Variants in NALCN observed in about 807,000 individuals in gnomAD.
NALCN encodes sodium leak channel, non-selective, also known as sodium leak channel NALCN.
NALCN carries 111 observed loss-of-function variants against 225.3 expected under a neutral mutation model. The ratio of observed to expected loss-of-function variants is 0.49; its 90% CI spans 0.42 to 0.58. The LOEUF is 0.58. NALCN is among the 20% of genes least tolerant of loss of function. The pLI, the probability that NALCN is intolerant of heterozygous loss-of-function variation, is 0.00. For missense variants in NALCN, 1,378 were observed against 2,202.4 expected, an observed-to-expected ratio of 0.63 and a Z score of 7.49; for synonymous variants, 764 against 769.0, an observed-to-expected ratio of 0.99 and a Z score of 0.11.
Position 101,188,654 on chromosome 13 carries a change from A to G in NALCN, c.1764+3263T>C, listed in dbSNP as rs924821142. 7.3e-4 allele frequency among the ~76,000 whole-genome samples: 106 copies of G among 145,292 alleles called. 1 individual carries two copies. The highest frequency in any genetic ancestry group is 9.8e-4 in the Non-Finnish European group (65 of 66,168). On this transcript the variant is annotated intron_variant, in intron 14 of 43. Transcript: ENST00000251127. The stretch of plus-strand genomic sequence containing the variant: ...TATATACACATATATACACACACAC[A>G]CGTGTGTGTGTGTGTCTGTGTGTGT...
At chr13:101,284,065 A>C (rs767979092) in intron 9 of NALCN, 46 bp from the exon 10 acceptor site, 1 of 1,501,910 alleles carries the variant, frequency 6.7e-7, no homozygotes, top group Non-Finnish European at 9.2e-7. Flanking sequence ...TTAATATGGA[A>C]CATTGAGAAC....
rs1034238935 is a variant in NALCN at position 101,054,067 on chromosome 13, C to G, written c.*1228G>C. 6.6e-6 allele frequency: 1 copy of G among 152,204 alleles called. No individual in the cohort carries two copies. The highest frequency in any genetic ancestry group is 2.4e-5 in the African/African-American group (1 of 41,450). 9.4% of individuals were successfully genotyped at this position (152,204 alleles called of 1,614,324 possible). ...ATCCCTCTGTTAAAAAACATCTGAACAGCAAATGTCCAATCTGTAATAAAA... is the reference window on the plus strand; with the variant it reads ...ATCCCTCTGTTAAAAAACATCTGAAGAGCAAATGTCCAATCTGTAATAAAA... On this transcript the variant is annotated 3_prime_UTR_variant, in exon 44 of 44. Transcript: ENST00000251127.
chr13:101,168,490 A>G (rs2038560510), intron 15 of NALCN, among the ~76,000 whole-genome samples: 1 of 152,196 alleles, frequency 6.6e-6, no homozygotes, highest in Admixed American at 6.5e-5. Flanking sequence ...AAAGAAATCT[A>G]GAAATCTGGG....
intron 39 of NALCN, among the ~76,000 whole-genome samples, chr13:101,065,839 C>T (rs1446430469): frequency 1.3e-5 from 2 of 152,164 alleles, no homozygotes; most frequent in South Asian, 2.1e-4. Flanking sequence ...TCCCCTTCAG[C>T]CCCCCAGGAC....
chr13:101,123,431 G>A (rs1319402017), intron 18 of NALCN, among the ~76,000 whole-genome samples: 1 of 152,238 alleles, frequency 6.6e-6, no homozygotes. Context: ...GATGTAACAT[G>A]TGTGGTTCAA....
At chr13:101,279,538 C>T (rs2043076729) in intron 10 of NALCN, among the ~76,000 whole-genome samples, 1 of 152,012 alleles carries the variant, frequency 6.6e-6, no homozygotes, top group Admixed American at 6.5e-5. Flanking sequence ...TAAAAAGGGC[C>T]GGGCGCGGTG....
intron 17 of NALCN, among the ~76,000 whole-genome samples, chr13:101,126,354 T>C (rs188325207): frequency 9.2e-5 from 14 of 152,240 alleles, no homozygotes; most frequent in Admixed American, 7.2e-4. Context: ...AGGAGAAAAA[T>C]TAATGTATGG....
chr13:101,290,100 T>A (rs1166193378), intron 9 of NALCN, among the ~76,000 whole-genome samples: 5 of 152,212 alleles, frequency 3.3e-5, no homozygotes, highest in Non-Finnish European at 7.3e-5. Flanking sequence ...ACGCATTACC[T>A]CTGAATTACC....
At chr13:101,391,741 T>C (rs1429531209) in intron 3 of NALCN, among the ~76,000 whole-genome samples, 2 of 150,830 alleles carry the variant, frequency 1.3e-5, no homozygotes, top group African/African-American at 2.5e-5. Flanking sequence ...TCCCAGCACT[T>C]TGGGAAGCCA....
At chr13:101,100,976 G>A in intron 26 of NALCN, 88 bp from the exon 27 acceptor site, 1 of 990,174 alleles carries the variant, frequency 1.0e-6, no homozygotes, top group Admixed American at 3.1e-5. Context: ...GGACTTCTAA[G>A]ATAACATTGT....
At chr13:101,176,117 A>AAT (rs1301363149) in intron 15 of NALCN, among the ~76,000 whole-genome samples, 183 bp downstream of exon 15, 2 of 152,242 alleles carry the variant, frequency 1.3e-5, no homozygotes, top group Non-Finnish European at 2.9e-5. Context: ...TTTATAGAGT[A>AAT]ATAGAAAGTT....
chr13:101,146,945 T>C (rs2139805631), intron 15 of NALCN, among the ~76,000 whole-genome samples: 1 of 151,934 alleles, frequency 6.6e-6, no homozygotes, highest in African/African-American at 2.4e-5. Flanking sequence ...AGAAAAAAAA[T>C]GAAGGCACTA....
chr13:101,294,598 C>T (rs1365017999), intron 7 of NALCN, among the ~76,000 whole-genome samples: 2 of 137,424 alleles, frequency 1.5e-5, no homozygotes, highest in African/African-American at 5.5e-5. Context: ...AAAGCTGGGT[C>T]CAGGGGGATC....
rs191273199 is a variant in NALCN at position 101,274,366 on chromosome 13, A to G, written c.1134+9567T>C. 3.0e-4 allele frequency among the ~76,000 whole-genome samples: 45 copies of G among 152,358 alleles called. 1 individual carries two copies. Among genetic ancestry groups the G allele is most frequent in the African/African-American group, 1.1e-3 (45 of 41,596 alleles). The stretch of plus-strand genomic sequence containing the variant: ...GGGTGAAAATGAAGTAGTTAAAAGT[A>G]TAACGTGGACTGCCTGAGATGAAAT... On this transcript the variant is annotated intron_variant, in intron 10 of 43. Coordinates refer to ENST00000251127, the MANE Select transcript of NALCN (RefSeq NM_052867.4).
At chr13:101,296,352 A>G (rs2043755337) in intron 7 of NALCN, among the ~76,000 whole-genome samples, 1 of 152,222 alleles carries the variant, frequency 6.6e-6, no homozygotes, top group Non-Finnish European at 1.5e-5. Context: ...TTCTTCCTCA[A>G]TATTAATACT....
chr13:101,227,775 T>A (rs971120266), intron 13 of NALCN, among the ~76,000 whole-genome samples: 1 of 152,160 alleles, frequency 6.6e-6, no homozygotes, highest in Admixed American at 6.5e-5. Flanking sequence ...ACAGATACGA[T>A]CACACTTTCA....
chr13:101,276,809 C>T (rs186259591), intron 10 of NALCN, among the ~76,000 whole-genome samples: 1 of 152,048 alleles, frequency 6.6e-6, no homozygotes, highest in African/African-American at 2.4e-5. Context: ...GAAACAAATA[C>T]CATAATAATG....
At chr13:101,361,055 C>T (rs907172375) in intron 6 of NALCN, among the ~76,000 whole-genome samples, 3 of 152,110 alleles carry the variant, frequency 2.0e-5, no homozygotes, top group South Asian at 2.1e-4. Flanking sequence ...CTCAGCCTTG[C>T]CTAAAAATAC....
At chr13:101,269,297 G>T (rs2042700279) in intron 10 of NALCN, among the ~76,000 whole-genome samples, 1 of 151,466 alleles carries the variant, frequency 6.6e-6, no homozygotes, top group South Asian at 2.1e-4. Context: ...TGGATTCATA[G>T]TAGATTCAAC....
Sources: gnomAD v4.1 joint callset for allele counts (sites outside exome capture counted in the v4.1 genomes callset) on GRCh38, gnomAD v4.1.1 for gene constraint, MANE v1.5 for transcripts, NCBI Gene and HGNC (gene_info 2026-07-23, HGNC 2026-07-21) for gene names.